NAV3: variants seen among roughly 807,000 people sequenced by gnomAD.
NAV3 encodes the protein pore membrane and/or filament interacting like protein 1.
NAV3 carries 87 observed loss-of-function variants against 244.7 expected under a neutral mutation model. The observed-to-expected ratio is 0.36, with a 90% CI of 0.30 to 0.42. NAV3 has a LOEUF of 0.42. Among genes scored for constraint, NAV3 ranks in the 20% least tolerant of loss-of-function variants. NAV3 has a pLI of 1.00. For synonymous variants in NAV3, 1,126 were observed against 1,042.2 expected, an observed-to-expected ratio of 1.08 and a Z score of -1.55; for missense variants, 2,663 against 2,893.3, an observed-to-expected ratio of 0.92 and a Z score of 1.83.
chr12:77,987,909 T>C (rs1205694238), intron 5 of NAV3, among the ~76,000 whole-genome samples: 1 of 152,152 alleles, frequency 6.6e-6, no homozygotes, highest in Non-Finnish European at 1.5e-5. Flanking sequence ...CGTAAAATTT[T>C]GTGGGTGGTG....
At chr12:77,738,869 G>A (rs765701819) in intron 2 of NAV3, among the ~76,000 whole-genome samples, 13 of 151,964 alleles carry the variant, frequency 8.6e-5, no homozygotes, top group Non-Finnish European at 1.8e-4. Context: ...AAAATTAGCC[G>A]GGCTTGGGGG....
At chr12:77,795,949 T>G (rs1174745195) in intron 2 of NAV3, among the ~76,000 whole-genome samples, 1 of 152,186 alleles carries the variant, frequency 6.6e-6, no homozygotes, top group Non-Finnish European at 1.5e-5. Context: ...TCATTGACAA[T>G]CCACTCAGTA....
chr12:78,117,105 C>T (rs1472773028), intron 13 of NAV3, among the ~76,000 whole-genome samples: 1 of 138,002 alleles, frequency 7.2e-6, no homozygotes, highest in Non-Finnish European at 1.5e-5. Flanking sequence ...AGCCACAACC[C>T]TTAGGAGGAG....
At chr12:78,022,151 G>GA (rs1877258054) in intron 9 of NAV3, among the ~76,000 whole-genome samples, 1 of 152,062 alleles carries the variant, frequency 6.6e-6, no homozygotes, top group South Asian at 2.1e-4. Flanking sequence ...TTTGGAGATT[G>GA]AAAATAAACT....
chr12:78,188,890 G>A, intron 33 of NAV3, 113 bp downstream of exon 33: 1 of 899,184 alleles, frequency 1.1e-6, no homozygotes, highest in Non-Finnish European at 1.6e-6. Flanking sequence ...TGAAAACTCT[G>A]TAGTATTTTA....
chr12:77,623,088 A>G lies in NAV3; in HGVS notation c.72+50822A>G, dbSNP rs1403670653. ...GCTAAACATCAAGTGATAGAAGTGA[A>G]TCATCAGTGTCTGTTTTGGATGTCT... On this transcript the variant is annotated intron_variant, in intron 2 of 8. Coordinates refer to the NAV3 transcript ENST00000550042. 2.6e-5 allele frequency among the ~76,000 whole-genome samples: 4 copies of G among 152,338 alleles called. No homozygotes were observed. The South Asian group carries it at 6.2e-4, about 24-fold the overall frequency.
chr12:77,683,184 AT>A (rs1442377480), intron 2 of NAV3, among the ~76,000 whole-genome samples: 1 of 152,022 alleles, frequency 6.6e-6, no homozygotes, highest in African/African-American at 2.4e-5. Flanking sequence ...TTGAGTTGAT[AT>A]TTTTGTATGG....
At chr12:77,754,952 A>G (rs1869056238) in intron 2 of NAV3, among the ~76,000 whole-genome samples, 1 of 152,224 alleles carries the variant, frequency 6.6e-6, no homozygotes, top group South Asian at 2.1e-4. Flanking sequence ...TGGCAAGAAT[A>G]GAAAATCTTT....
At chr12:77,774,563 A>ATCCTAC in intron 2 of NAV3, among the ~76,000 whole-genome samples, 1 of 152,278 alleles carries the variant, frequency 6.6e-6, no homozygotes, top group Non-Finnish European at 1.5e-5. Flanking sequence ...TATGATCTTA[A>ATCCTAC]AGGACTAGAG....
intron 5 of NAV3, among the ~76,000 whole-genome samples, chr12:77,984,256 T>C (rs989489766): frequency 1.6e-4 from 25 of 152,178 alleles, no homozygotes; most frequent in African/African-American, 5.8e-4. Context: ...AATTTTAAAC[T>C]GAGAGACCAA....
chr12:77,789,774 C>T, intron 2 of NAV3, among the ~76,000 whole-genome samples: 1 of 137,474 alleles, frequency 7.3e-6, no homozygotes, highest in Admixed American at 8.2e-5. Flanking sequence ...CGTGCCATTG[C>T]ACTGCAGCCT....
At chr12:77,805,044 T>C (rs1871902209) in intron 2 of NAV3, among the ~76,000 whole-genome samples, 1 of 152,222 alleles carries the variant, frequency 6.6e-6, no homozygotes, top group Admixed American at 6.5e-5. Flanking sequence ...CTGAAGTTGC[T>C]TATTAACTTA....
chr12:77,881,599 G>T (rs936560), intron 1 of NAV3, among the ~76,000 whole-genome samples: 20,469 of 152,074 alleles, frequency 0.13, 1,480 homozygotes, highest in East Asian at 0.22. Context: ...TGAACAGAAA[G>T]AAATAACAGG....
intron 1 of NAV3, among the ~76,000 whole-genome samples, chr12:77,873,647 A>C (rs1326900628): frequency 7.2e-6 from 1 of 139,560 alleles, no homozygotes; most frequent in African/African-American, 2.6e-5. Flanking sequence ...GAAAAGAAAT[A>C]GTATTTTTAT....
chr12:78,162,048 T>G (rs1244822328), intron 23 of NAV3, among the ~76,000 whole-genome samples: 1 of 152,170 alleles, frequency 6.6e-6, no homozygotes, highest in Non-Finnish European at 1.5e-5. Context: ...GAGAAAACTC[T>G]TTGGCACTAA....
rs555721162 is a variant in NAV3 at position 77,903,825 on chromosome 12, G to T, written c.244-36494G>T. 1.2e-3 allele frequency among the ~76,000 whole-genome samples: 182 copies of T among 152,270 alleles called. 1 individual carries two copies. Among genetic ancestry groups the T allele is most frequent in the African/African-American group, 4.1e-3 (171 of 41,560 alleles). ...AAGAAACAAACAACCCCATCAAAAA[G>T]TGGGTGAAGGATATGAACAGGCACT... On this transcript the variant is annotated intron_variant, in intron 1 of 39. Coordinates refer to ENST00000397909, the MANE Select transcript of NAV3 (RefSeq NM_001024383.2).
chr12:78,204,598 TTTTTCAACCTTTAG>T (rs1960087529), intron 38 of NAV3, among the ~76,000 whole-genome samples: 1 of 152,138 alleles, frequency 6.6e-6, no homozygotes, highest in African/African-American at 2.4e-5. Flanking sequence ...GAAGCTTTTA[TTTTTCAACCTTTAG>T]TTTTCTCTTG....
intron 1 of NAV3, among the ~76,000 whole-genome samples, chr12:77,860,349 A>G (rs1294697570): frequency 6.6e-6 from 1 of 150,496 alleles, no homozygotes; most frequent in Admixed American, 6.7e-5. Flanking sequence ...ATAATTTTAT[A>G]TGCTATATGC....
At chr12:77,747,483 C>T (rs569160289) in intron 2 of NAV3, among the ~76,000 whole-genome samples, 97 of 152,256 alleles carry the variant, frequency 6.4e-4, no homozygotes, top group African/African-American at 2.2e-3. Context: ...GGTGATTCCT[C>T]AGGGATGTAG....
Sources: gnomAD v4.1 joint callset for allele counts (sites outside exome capture counted in the v4.1 genomes callset) on GRCh38, gnomAD v4.1.1 for gene constraint, MANE v1.5 for transcripts, NCBI Gene and HGNC (gene_info 2026-07-23, HGNC 2026-07-21) for gene names.